ZNF804A: variants seen among roughly 807,000 people sequenced by gnomAD.
ZNF804A encodes zinc finger protein 804A.
In ZNF804A, 2 loss-of-function variants were observed where a neutral mutation model predicts 16.5. The observed-to-expected ratio is 0.12, with a 90% CI of 0.05 to 0.38. ZNF804A has a LOEUF of 0.38. Ranked by LOEUF, ZNF804A falls within the 10% of genes least tolerant of loss-of-function variation. The pLI is 0.99. For synonymous variants in ZNF804A, 534 were observed against 489.6 expected (o/e 1.09, Z -1.20); for missense variants, 1,473 against 1,390.7 (o/e 1.06, Z -0.94).
At chr2:184,907,317 G>T (rs1192399752) in intron 2 of ZNF804A, among the ~76,000 whole-genome samples, 2 of 152,074 alleles carry the variant, frequency 1.3e-5, no homozygotes, top group Admixed American at 6.6e-5. Flanking sequence ...TCATGTCATT[G>T]TTTCTGACTT....
chr2:184,803,202 T>A (rs942272157), intron 1 of ZNF804A, among the ~76,000 whole-genome samples: 2 of 152,176 alleles, frequency 1.3e-5, no homozygotes, highest in African/African-American at 4.8e-5. Flanking sequence ...TTGCAGTGTC[T>A]GTTTCCTCTA....
intron 1 of ZNF804A, among the ~76,000 whole-genome samples, 171 bp downstream of exon 1, chr2:184,599,241 T>A (rs963896754): frequency 1.3e-5 from 2 of 152,148 alleles, no homozygotes; most frequent in Non-Finnish European, 2.9e-5. Context: ...TTAGGGAAGC[T>A]GTGATCCATG....
At chr2:184,935,208 G>A (rs760204205) in intron 3 of ZNF804A, among the ~76,000 whole-genome samples, 22 of 151,936 alleles carry the variant, frequency 1.4e-4, no homozygotes, top group African/African-American at 4.6e-4. Context: ...TTTAAATATT[G>A]AGACTAACAA....
intron 1 of ZNF804A, among the ~76,000 whole-genome samples, chr2:184,636,348 G>A (rs545385098): frequency 2.0e-5 from 3 of 148,408 alleles, no homozygotes; most frequent in Non-Finnish European, 4.5e-5. Context: ...AAGAGAGAGA[G>A]AAATATTTGT....
At chr2:184,789,033 G>T (rs368899106) in intron 1 of ZNF804A, among the ~76,000 whole-genome samples, 1 of 151,942 alleles carries the variant, frequency 6.6e-6, no homozygotes, top group Non-Finnish European at 1.5e-5. Flanking sequence ...GTTTGTTGAA[G>T]GTTTTTAGCA....
intron 1 of ZNF804A, among the ~76,000 whole-genome samples, chr2:184,846,562 A>G (rs1166745369): frequency 6.6e-6 from 1 of 152,128 alleles, no homozygotes. Context: ...ATTTAGTTTT[A>G]GAAAACCTGA....
At chr2:184,669,805 T>G (rs573297482) in intron 1 of ZNF804A, among the ~76,000 whole-genome samples, 24 of 151,990 alleles carry the variant, frequency 1.6e-4, no homozygotes, top group African/African-American at 5.5e-4. Context: ...TTTCTCTAAA[T>G]TAGTTTCAGC....
intron 1 of ZNF804A, among the ~76,000 whole-genome samples, chr2:184,661,034 C>G (rs565667833): frequency 6.6e-6 from 1 of 152,140 alleles, no homozygotes; most frequent in Non-Finnish European, 1.5e-5. Flanking sequence ...TTATAATGAA[C>G]CTGTTGACCA....
intron 1 of ZNF804A, among the ~76,000 whole-genome samples, chr2:184,775,024 T>G (rs1694265838): frequency 6.6e-6 from 1 of 151,780 alleles, no homozygotes; most frequent in African/African-American, 2.4e-5. Flanking sequence ...ATGGCATGAT[T>G]GCCTTAGTAC....
intron 1 of ZNF804A, among the ~76,000 whole-genome samples, chr2:184,619,131 G>A (rs359882): frequency 0.57 from 85,940 of 151,786 alleles, 25,343 homozygotes; most frequent in African/African-American, 0.69. Context: ...GTGAGCAGAC[G>A]TTTGGTGTGA....
In ZNF804A at chr2:184,785,150, C is replaced by A. The variant is rs188548746; in HGVS notation, c.112-81219C>A. Among the ~76,000 whole-genome samples the A allele has an allele frequency of 7.6e-3, 1,162 of 152,058 alleles. 17 individuals carry two copies. The highest frequency in any genetic ancestry group is 0.027 in the African/African-American group (1,104 of 41,512). ...GTTTCCATCCCAGTGAAGAAAAACT[C>A]CCAGGTATCTACAAATGGCCTACCC... On this transcript the variant is annotated intron_variant, in intron 1 of 3. Coordinates refer to ENST00000302277, the MANE Select transcript of ZNF804A (RefSeq NM_194250.2).
intron 1 of ZNF804A, among the ~76,000 whole-genome samples, chr2:184,726,390 C>T (rs1693409862): frequency 6.6e-6 from 1 of 151,358 alleles, no homozygotes; most frequent in Admixed American, 6.6e-5. Context: ...TTTGTAGGAA[C>T]ATATTTCTGA....
chr2:184,900,817 C>G (rs948855687), intron 2 of ZNF804A, among the ~76,000 whole-genome samples: 1 of 152,088 alleles, frequency 6.6e-6, no homozygotes, highest in Non-Finnish European at 1.5e-5. Flanking sequence ...TCAGTACTGC[C>G]AGTGCTCCCA....
intron 1 of ZNF804A, among the ~76,000 whole-genome samples, chr2:184,765,716 T>G (rs1694114701): frequency 6.6e-6 from 1 of 150,832 alleles, no homozygotes; most frequent in South Asian, 2.1e-4. Flanking sequence ...ATAAACCCCT[T>G]CCTTCCTTAA....
intron 1 of ZNF804A, among the ~76,000 whole-genome samples, chr2:184,779,859 A>T (rs764529437): frequency 1.3e-5 from 2 of 151,750 alleles, no homozygotes; most frequent in African/African-American, 2.4e-5. Flanking sequence ...GCTGTATCTT[A>T]AGCTACTAAA....
rs141371475 is a variant in ZNF804A, at chr2:184,674,674, A to T, written c.111+75604A>T. ...TGGGATGGGCATCACTGGAGGATAT[A>T]TAAGTGTGAAGGAAAAAGAATGTTG... On this transcript the variant is annotated intron_variant, in intron 1 of 3. Transcript: ENST00000302277. Among the ~76,000 whole-genome samples the T allele has an allele frequency of 4.1e-4, 62 of 151,986 alleles. No individual in the cohort carries two copies. The East Asian group carries it at 0.011, about 26-fold the overall frequency.
intron 1 of ZNF804A, among the ~76,000 whole-genome samples, chr2:184,609,738 C>T (rs749616006): frequency 7.2e-5 from 11 of 152,230 alleles, no homozygotes; most frequent in Non-Finnish European, 1.3e-4. Flanking sequence ...GTTCCACCCT[C>T]GTGACCCGAT....
intron 1 of ZNF804A, among the ~76,000 whole-genome samples, chr2:184,789,440 T>A (rs1694498653): frequency 6.6e-6 from 1 of 152,138 alleles, no homozygotes; most frequent in African/African-American, 2.4e-5. Flanking sequence ...CTAGTAAACT[T>A]TGGATGTGAA....
chr2:184,841,675 T>G (rs1209634415), intron 1 of ZNF804A, among the ~76,000 whole-genome samples: 2 of 152,206 alleles, frequency 1.3e-5, no homozygotes, highest in Non-Finnish European at 2.9e-5. Context: ...GATTAAGTGT[T>G]TTATATTATC....
Sources: gnomAD v4.1 joint callset for allele counts (sites outside exome capture counted in the v4.1 genomes callset) on GRCh38, gnomAD v4.1.1 for gene constraint, MANE v1.5 for transcripts, NCBI Gene and HGNC (gene_info 2026-07-23, HGNC 2026-07-21) for gene names.